Variants in PRIMPOL observed in about 807,000 individuals in gnomAD.
PRIMPOL encodes the protein DNA-directed primase/polymerase protein.
In PRIMPOL, 54 loss-of-function variants were observed where a neutral mutation model predicts 63.6. The ratio of observed to expected loss-of-function variants is 0.85; its 90% CI spans 0.68 to 1.07. The LOEUF is 1.07. Among genes scored for constraint, PRIMPOL ranks in the 50% least tolerant of loss-of-function variants. The probability of loss-of-function intolerance (pLI) is 0.00; values close to 1 mark genes in which losing one functional copy is unlikely to be tolerated. For synonymous variants in PRIMPOL, 197 were observed against 220.2 expected, an observed-to-expected ratio of 0.89 and a Z score of 0.93; for missense variants, 610 against 648.3, an observed-to-expected ratio of 0.94 and a Z score of 0.64.
intron 3 of PRIMPOL, among the ~76,000 whole-genome samples, chr4:184,658,733 C>T (rs994153821): frequency 2.0e-5 from 3 of 151,944 alleles, no homozygotes; most frequent in Non-Finnish European, 2.9e-5. Flanking sequence ...ATGGTGAAAC[C>T]TCGTCTCTAC....
Position 184,672,030 on chromosome 4 carries a change from G to C in PRIMPOL, c.557-143G>C, listed in dbSNP as rs561990487. Reference sequence around the variant, plus strand: ...GCTGGGATTACAGGCGTGAGCCACTGTGCCCGGCAGCAACCCAGTTTTGAA... The same window carrying C: ...GCTGGGATTACAGGCGTGAGCCACTCTGCCCGGCAGCAACCCAGTTTTGAA... On this transcript the variant is annotated intron_variant, in intron 6 of 13. Transcript: ENST00000314970. 63 of 771,134 alleles carry C rather than the reference G, an allele frequency of 8.2e-5. 1 individual carries two copies. In the South Asian group the frequency reaches 1.0e-3, roughly 13 times the overall value. 47.8% of individuals were successfully genotyped at this position (771,134 alleles called of 1,614,324 possible).
intron 11 of PRIMPOL, 151 bp from the exon 12 acceptor site, chr4:184,691,348 T>C (rs1758467707): frequency 1.9e-6 from 1 of 540,102 alleles, no homozygotes; most frequent in African/African-American, 1.9e-5. Flanking sequence ...AACCACCGTT[T>C]TGATTGGTAT....
chr4:184,666,818 A>G (rs1047330210), intron 6 of PRIMPOL, among the ~76,000 whole-genome samples: 2 of 152,186 alleles, frequency 1.3e-5, no homozygotes, highest in African/African-American at 4.8e-5. Flanking sequence ...ATAATTCTAG[A>G]TGTACGAGTC....
At chr4:184,677,199 C>T (rs1032158684) in intron 7 of PRIMPOL, among the ~76,000 whole-genome samples, 3 of 151,548 alleles carry the variant, frequency 2.0e-5, no homozygotes, top group South Asian at 2.1e-4. Context: ...AGGCCTCAAG[C>T]GATCCTCCTG....
At chr4:184,675,466 G>A (rs962600011) in intron 7 of PRIMPOL, among the ~76,000 whole-genome samples, 8 of 151,734 alleles carry the variant, frequency 5.3e-5, no homozygotes, top group Non-Finnish European at 1.5e-5. Flanking sequence ...CAATATTTTA[G>A]GCTATACGGT....
chr4:184,679,886 C>T (rs935646943), intron 8 of PRIMPOL, among the ~76,000 whole-genome samples: 1 of 152,156 alleles, frequency 6.6e-6, no homozygotes, highest in African/African-American at 2.4e-5. Flanking sequence ...GCCCACCTTG[C>T]CCCTGCCCCA....
Position 184,661,878 on chromosome 4 carries a change from A to G in PRIMPOL, c.383A>G (p.Lys128Arg), listed in dbSNP as rs1748427478. The G allele has an allele frequency of 6.2e-7, 1 of 1,613,496 alleles. No homozygotes were observed. ...NKPANPGADGKKMVALLIEYV... is the reference protein window; with the variant it reads ...NKPANPGADGRKMVALLIEYV... ...CCTGCCAACCCAGGAGCTGATGGGA[A>G]AAAGATGGTTGCATTACTCATTGAG... Residue 128 changes from lysine (K) to arginine (R), a missense_variant, in exon 5 of 14, where the codon AAA (lysine) becomes AGA (arginine). Physicochemically the swap from Lys to Arg is conservative, Grantham distance 26. Coordinates refer to ENST00000314970, the MANE Select transcript of PRIMPOL (RefSeq NM_152683.4).
chr4:184,670,093 C>G (rs1205224003), intron 6 of PRIMPOL, among the ~76,000 whole-genome samples: 1 of 152,110 alleles, frequency 6.6e-6, no homozygotes, highest in Non-Finnish European at 1.5e-5. Context: ...TTCCTGTCCT[C>G]ATGAGGGTTG....
intron 9 of PRIMPOL, among the ~76,000 whole-genome samples, chr4:184,683,506 G>A (rs1337140525): frequency 1.3e-5 from 2 of 151,966 alleles, no homozygotes; most frequent in African/African-American, 4.8e-5. Context: ...AATAATGTAG[G>A]TTAACAAAAT....
intron 6 of PRIMPOL, among the ~76,000 whole-genome samples, chr4:184,671,235 C>A (rs190290157): frequency 1.3e-5 from 2 of 152,264 alleles, no homozygotes; most frequent in East Asian, 3.9e-4. Flanking sequence ...CGTAGTCCAT[C>A]GTGTGCCCAG....
chr4:184,656,206 C>A (rs927139108), intron 2 of PRIMPOL, among the ~76,000 whole-genome samples: 8 of 152,094 alleles, frequency 5.3e-5, no homozygotes, highest in Non-Finnish European at 8.8e-5. Context: ...AAGTCTGCTG[C>A]AAAGGCACTC....
In PRIMPOL at chr4:184,685,620, T is replaced by C; in HGVS notation, c.1231T>C (p.Tyr411His). 2 of 1,612,826 alleles carry C rather than the reference T, an allele frequency of 1.2e-6. No homozygotes were observed. The highest frequency in any genetic ancestry group is 2.2e-5 in the South Asian group (2 of 91,004). ...CTTTTTCCCAGAAGAATTACTGGTTTATGATATTTGTAAATATCGGTGGTG... is the reference window on the plus strand; with the variant it reads ...CTTTTTCCCAGAAGAATTACTGGTTCATGATATTTGTAAATATCGGTGGTG... ...NYFFPEELLV[Y>H]DICKYRWCEN... Residue 411 changes from tyrosine to histidine, a missense_variant, in exon 11 of 14, where the codon TAT becomes CAT. Tyr to His is a moderately conservative substitution (Grantham distance 83, BLOSUM62 2). Coordinates refer to ENST00000314970, the MANE Select transcript of PRIMPOL (RefSeq NM_152683.4).
At chr4:184,650,833 G>C (rs1417769629) in intron 1 of PRIMPOL, among the ~76,000 whole-genome samples, 1 of 152,160 alleles carries the variant, frequency 6.6e-6, no homozygotes, top group Non-Finnish European at 1.5e-5. Flanking sequence ...ACTATATTCT[G>C]CACAGAAATA....
rs1386972104 is a variant in PRIMPOL at position 184,676,361 on chromosome 4, CTCCTTTCCCTTCCCTTCCCT to C, written c.845-1851_845-1832del. ...CTTCCTTTCTCCTTTTCCTTCCCTT[CTCCTTTCCCTTCCCTTCCCT>C]TCCTTTCCCTTCCCTTCCCCCTTCC... On this transcript the variant is annotated intron_variant, in intron 7 of 13. Transcript: ENST00000314970. Among the ~76,000 whole-genome samples the C allele has an allele frequency of 3.7e-4, 41 of 109,924 alleles. 1 individual carries two copies. The highest frequency in any genetic ancestry group is 1.4e-3 in the African/African-American group (37 of 25,678). The allele number at this position is 109,924 out of a possible 152,430, so 72.1% of individuals were successfully genotyped here. A position where few individuals can be genotyped will look rare whatever the true frequency, so the allele number is the denominator to read the frequency against.
At chr4:184,681,279 T>A (rs1397821679) in intron 8 of PRIMPOL, among the ~76,000 whole-genome samples, 1 of 152,150 alleles carries the variant, frequency 6.6e-6, no homozygotes, top group Non-Finnish European at 1.5e-5. Flanking sequence ...ACCTCTAAAA[T>A]TGTTGTAACA....
chr4:184,685,532 A>G (rs1756765220), intron 10 of PRIMPOL, 34 bp downstream of exon 10: 2 of 1,592,556 alleles, frequency 1.3e-6, no homozygotes, highest in Admixed American at 1.7e-5. Flanking sequence ...TAACTGTTAT[A>G]TGATAGAGTG....
intron 7 of PRIMPOL, among the ~76,000 whole-genome samples, chr4:184,677,436 A>G (rs1754390938): frequency 6.6e-6 from 1 of 152,150 alleles, no homozygotes; most frequent in Non-Finnish European, 1.5e-5. Flanking sequence ...ATCAGTGGCT[A>G]TATGTATTTT....
At chr4:184,672,820 C>T (rs1262036481) in intron 7 of PRIMPOL, among the ~76,000 whole-genome samples, 1 of 152,138 alleles carries the variant, frequency 6.6e-6, no homozygotes, top group Non-Finnish European at 1.5e-5. Context: ...GGTATAAAAG[C>T]AGTACTCGTG....
At chr4:184,651,056 G>A (rs1432192821) in intron 1 of PRIMPOL, among the ~76,000 whole-genome samples, 1 of 152,126 alleles carries the variant, frequency 6.6e-6, no homozygotes, top group Non-Finnish European at 1.5e-5. Context: ...TTGGGAGGCC[G>A]AGGCAGGTGG....
Sources: allele counts gnomAD v4.1 joint callset (sites outside exome capture counted in the v4.1 genomes callset), GRCh38; gene constraint gnomAD v4.1.1; transcripts MANE v1.5; gene names NCBI Gene and HGNC (gene_info 2026-07-23, HGNC 2026-07-21).